TAFA5: variants seen among roughly 807,000 people sequenced by gnomAD.
TAFA5 encodes chemokine-like protein TAFA-5.
A neutral mutation model predicts 15.3 loss-of-function variants in TAFA5; 6 were observed. That is an observed-to-expected ratio of 0.39 (90% CI 0.21 to 0.77). TAFA5 has a LOEUF of 0.77. Ranked by LOEUF, TAFA5 falls within the 30% of genes least tolerant of loss-of-function variation. The pLI, the probability that TAFA5 is intolerant of heterozygous loss-of-function variation, is 0.41. For synonymous variants in TAFA5, 103 were observed against 80.7 expected (o/e 1.28, Z -1.48); for missense variants, 161 against 193.1 (o/e 0.83, Z 0.98).
intron 1 of TAFA5, among the ~76,000 whole-genome samples, chr22:48,602,230 T>C (rs907402304): frequency 2.0e-5 from 3 of 152,166 alleles, no homozygotes; most frequent in Non-Finnish European, 4.4e-5. Context: ...ACAGTGTGCA[T>C]GGGGGATGGA....
intron 1 of TAFA5, among the ~76,000 whole-genome samples, chr22:48,523,808 G>A (rs1921687446): frequency 6.6e-6 from 1 of 152,206 alleles, no homozygotes; most frequent in Non-Finnish European, 1.5e-5. Context: ...GCAGACACAA[G>A]GCCAGTCTGG....
intron 1 of TAFA5, among the ~76,000 whole-genome samples, chr22:48,561,445 C>G (rs1202585734): frequency 6.6e-6 from 1 of 152,176 alleles, no homozygotes; most frequent in African/African-American, 2.4e-5. Flanking sequence ...GTGTCCTCAG[C>G]AGGGGCTGTG....
At chr22:48,520,406 C>G (rs990749464) in intron 1 of TAFA5, among the ~76,000 whole-genome samples, 2 of 152,224 alleles carry the variant, frequency 1.3e-5, no homozygotes, top group African/African-American at 4.8e-5. Flanking sequence ...GGGCTCACCC[C>G]GAAGGCCTGG....
intron 1 of TAFA5, among the ~76,000 whole-genome samples, chr22:48,585,726 C>T (rs781171455): frequency 2.6e-5 from 4 of 151,862 alleles, no homozygotes; most frequent in African/African-American, 9.7e-5. Context: ...ACACACAACA[C>T]ACACACATAA....
chr22:48,580,964 C>T lies in TAFA5; in HGVS notation c.113-65633C>T, dbSNP rs981077255. Among the ~76,000 whole-genome samples, 47 of 152,210 alleles carry T rather than the reference C, an allele frequency of 3.1e-4. 1 individual carries two copies. Among genetic ancestry groups the T allele is most frequent in the Non-Finnish European group, 1.2e-4 (8 of 68,034 alleles). ...AGTGCCAGCCCCACATGGCAGGTGT[C>T]CCTCAGCCTGCCTCTCCCTGACCCT... On this transcript the variant is annotated intron_variant, in intron 1 of 3. Transcript: ENST00000402357.
rs560270752 is a variant in TAFA5 at position 48,570,907 on chromosome 22, T to G, written c.113-75690T>G. On this transcript the variant is annotated intron_variant, in intron 1 of 3. Transcript: ENST00000402357. ...TACCTGTTGGAGATTCTTTCAAGTATGAAGGCCTAATGTATCTTCATACCT... is the reference window on the plus strand; with the variant it reads ...TACCTGTTGGAGATTCTTTCAAGTAGGAAGGCCTAATGTATCTTCATACCT... Among the ~76,000 whole-genome samples, 7 of 152,364 alleles carry G rather than the reference T, an allele frequency of 4.6e-5. No individual in the cohort carries two copies. In the East Asian group the frequency reaches 1.2e-3, roughly 25 times the overall value.
intron 1 of TAFA5, among the ~76,000 whole-genome samples, chr22:48,602,749 C>G (rs1383837085): frequency 6.6e-6 from 1 of 152,198 alleles, no homozygotes; most frequent in Non-Finnish European, 1.5e-5. Flanking sequence ...CCGGGACCTG[C>G]TGGTGTCCAG....
intron 3 of TAFA5, among the ~76,000 whole-genome samples, chr22:48,729,907 C>T (rs1029026508): frequency 7.2e-5 from 11 of 152,050 alleles, no homozygotes; most frequent in Non-Finnish European, 1.6e-4. Context: ...GTGTCAGGCA[C>T]GCAATTCCTT....
At chr22:48,656,325 G>A (rs988265111) in intron 2 of TAFA5, among the ~76,000 whole-genome samples, 10 of 151,976 alleles carry the variant, frequency 6.6e-5, no homozygotes, top group African/African-American at 2.4e-4. Flanking sequence ...CCAACATGGT[G>A]AAGCCCCGTC....
intron 3 of TAFA5, among the ~76,000 whole-genome samples, chr22:48,711,247 G>A (rs1044809645): frequency 7.9e-5 from 12 of 152,322 alleles, no homozygotes; most frequent in African/African-American, 2.9e-4. Flanking sequence ...AGGTGGAGGG[G>A]ACGGCTCTGC....
intron 3 of TAFA5, among the ~76,000 whole-genome samples, chr22:48,710,932 G>A (rs1929232380): frequency 6.6e-6 from 1 of 152,176 alleles, no homozygotes; most frequent in Non-Finnish European, 1.5e-5. Context: ...AGTCCAGGGA[G>A]GTGGGATTGA....
intron 1 of TAFA5, among the ~76,000 whole-genome samples, chr22:48,620,280 T>G (rs1166072226): frequency 1.3e-5 from 2 of 152,060 alleles, no homozygotes; most frequent in Non-Finnish European, 2.9e-5. Context: ...GACCCTTGGG[T>G]GGCATCTCCC....
chr22:48,494,385 G>A (rs1259077812), intron 1 of TAFA5, among the ~76,000 whole-genome samples: 3 of 152,202 alleles, frequency 2.0e-5, no homozygotes, highest in Admixed American at 2.0e-4. Flanking sequence ...CACTGTCAGC[G>A]ATGGTCCAGC....
At chr22:48,622,063 T>C (rs5771630) in intron 1 of TAFA5, among the ~76,000 whole-genome samples, 123,683 of 152,100 alleles carry the variant, frequency 0.81, 50,724 homozygotes, top group East Asian at 1. Flanking sequence ...CTCACGGCAG[T>C]GCAACCCCTA....
intron 1 of TAFA5, among the ~76,000 whole-genome samples, chr22:48,520,084 G>A (rs1921550022): frequency 6.6e-6 from 1 of 152,228 alleles, no homozygotes; most frequent in African/African-American, 2.4e-5. Context: ...AAACGGAGGT[G>A]GAGATGGGGG....
At chr22:48,604,593 G>A (rs1431992444) in intron 1 of TAFA5, among the ~76,000 whole-genome samples, 1 of 152,232 alleles carries the variant, frequency 6.6e-6, no homozygotes, top group Admixed American at 6.5e-5. Flanking sequence ...CTGGCCTTGG[G>A]CCAGGTCCTC....
intron 1 of TAFA5, chr22:48,544,340 G>A (rs1229685985): frequency 3.5e-6 from 1 of 283,924 alleles, no homozygotes; most frequent in African/African-American, 2.2e-5. Flanking sequence ...TATGGGAGGA[G>A]GCTGCACAGG....
intron 3 of TAFA5, among the ~76,000 whole-genome samples, chr22:48,721,755 A>G (rs130174): frequency 0.68 from 103,941 of 152,056 alleles, 36,564 homozygotes; most frequent in African/African-American, 0.74. Flanking sequence ...GATCACTTGA[A>G]GTCAGGGGTT....
chr22:48,710,122 C>G (rs551891591), intron 3 of TAFA5, among the ~76,000 whole-genome samples: 58 of 152,230 alleles, frequency 3.8e-4, no homozygotes, highest in African/African-American at 1.4e-3. Context: ...GTCTTCAGAT[C>G]TGCATGAAGG....
Sources: allele counts gnomAD v4.1 joint callset (sites outside exome capture counted in the v4.1 genomes callset), GRCh38; gene constraint gnomAD v4.1.1; transcripts MANE v1.5; gene names NCBI Gene and HGNC (gene_info 2026-07-23, HGNC 2026-07-21).